The following C16orf96 variants were observed in gnomAD, a reference collection of about 807,000 sequenced individuals.
C16orf96 encodes the protein chromosome 16 open reading frame 96, also known as uncharacterized protein C16orf96.
A neutral mutation model predicts 103.6 loss-of-function variants in C16orf96; 108 were observed. That is an observed-to-expected ratio of 1.04 (90% CI 0.89 to 1.22). C16orf96 has a LOEUF of 1.22. Among genes scored for constraint, C16orf96 ranks in the 50% most tolerant of loss-of-function variants. The pLI, the probability that C16orf96 is intolerant of heterozygous loss-of-function variation, is 0.00. For missense variants in C16orf96, 1,586 were observed against 1,464.2 expected (o/e 1.08, Z -1.36); for synonymous variants, 566 against 593.5 (o/e 0.95, Z 0.67).
At chr16:4,542,849 A>T in the C16orf96 span, among the ~76,000 whole-genome samples, 3 of 152,200 alleles carry the variant, frequency 2.0e-5, no homozygotes, top group African/African-American at 7.2e-5. Context: ...CTGTTTTTGA[A>T]ATGCAGTGTG....
Position 4,576,374 on chromosome 16 carries a change from G to A in C16orf96, c.1894G>A (p.Ala632Thr). Residue 632 changes from alanine (A) to threonine (T), a missense_variant, in exon 5 of 16, where the codon GCC becomes ACC. Physicochemically the swap from Ala to Thr is moderately conservative, Grantham distance 58. Coordinates refer to ENST00000444310, the MANE Select transcript of C16orf96 (RefSeq NM_001145011.2). The stretch of plus-strand genomic sequence containing the variant: ...CCTGGGTGCAGGGCCTTCCCGGGGA[G>A]CCACAGAATCCCAGATCTTGGGCGA... ...DVLGAGPSRG[A>T]TESQILGDDS... is the part of the protein sequence containing the mutation. The A allele has an allele frequency of 6.4e-7, 1 of 1,550,998 alleles. No individual in the cohort carries two copies. The highest frequency in any genetic ancestry group is 8.7e-7 in the Non-Finnish European group (1 of 1,146,996).
upstream of C16orf96, among the ~76,000 whole-genome samples, chr16:4,553,445 C>T (rs943444629): frequency 6.6e-6 from 1 of 152,022 alleles, no homozygotes. Context: ...GGGTGTGATT[C>T]TGGCTCACTG....
At chr16:4,544,643 A>G in the C16orf96 span, among the ~76,000 whole-genome samples, 2 of 152,114 alleles carry the variant, frequency 1.3e-5, no homozygotes, top group Admixed American at 1.3e-4. Context: ...TGACTACCAA[A>G]TGAGGGTAAA....
chr16:4,559,392 T>A (rs1439156554), intron 1 of C16orf96, among the ~76,000 whole-genome samples: 4 of 146,656 alleles, frequency 2.7e-5, no homozygotes, highest in Non-Finnish European at 6.0e-5. Context: ...AAAATAAAAA[T>A]AAAAAAAAAT....
upstream of C16orf96, among the ~76,000 whole-genome samples, chr16:4,554,106 C>G (rs545635831): frequency 6.6e-6 from 1 of 152,214 alleles, no homozygotes; most frequent in East Asian, 1.9e-4. Flanking sequence ...TCTCTTGTCC[C>G]AGAACTGACC....
At chr16:4,571,715 T>G (rs2059440515) in intron 2 of C16orf96, 50 bp downstream of exon 2, 3 of 1,362,384 alleles carry the variant, frequency 2.2e-6, no homozygotes, top group Admixed American at 5.2e-5. Flanking sequence ...CTCAGGCCTC[T>G]GGGGGTTGGA....
the C16orf96 span, among the ~76,000 whole-genome samples, chr16:4,547,888 C>T: frequency 6.7e-6 from 1 of 148,554 alleles, no homozygotes; most frequent in Middle Eastern, 3.2e-3. Flanking sequence ...AGTCCTCCTT[C>T]CTCAGCTTCC....
chr16:4,591,867 A>G, intron 10 of C16orf96, 83 bp downstream of exon 10: 7 of 1,108,158 alleles, frequency 6.3e-6, no homozygotes, highest in Non-Finnish European at 8.1e-6. Flanking sequence ...CTGGGAGGAA[A>G]GATTCCAGAC....
rs774934156 is a variant in C16orf96 at position 4,588,207 on chromosome 16, T to C, written c.2468T>C (p.Val823Ala). ...RSALAGKASR[V>A]DLETVALELN... is the part of the protein sequence containing the mutation. ...GCCCTGGCAGGCAAGGCAAGCCGCG[T>C]TGACCTGGAGACTGTGGCCTTGGAG... The change falls in exon 9 of 16, where the codon GTT becomes GCT. Residue 823 changes from valine (V) to alanine (A), a missense_variant. Transcript: ENST00000444310. 54 of 1,551,504 alleles carry C rather than the reference T, an allele frequency of 3.5e-5. 1 individual carries two copies. Among genetic ancestry groups the C allele is most frequent in the South Asian group, 7.1e-5 (6 of 84,064 alleles).
chr16:4,582,823 G>A (rs756605831), intron 7 of C16orf96, among the ~76,000 whole-genome samples: 9 of 152,310 alleles, frequency 5.9e-5, no homozygotes, highest in Non-Finnish European at 1.2e-4. Flanking sequence ...CTGCGTGTCC[G>A]TAGTTGTCAC....
At chr16:4,574,605 A>G (rs2059477940) in intron 2 of C16orf96, 104 bp from the exon 3 acceptor site, 1 of 869,094 alleles carries the variant, frequency 1.2e-6, no homozygotes, top group Non-Finnish European at 1.8e-6. Context: ...TGGATTTGGA[A>G]CCCGTTCTTC....
chr16:4,572,798 C>T (rs982066818), intron 2 of C16orf96, among the ~76,000 whole-genome samples: 2 of 152,168 alleles, frequency 1.3e-5, no homozygotes, highest in African/African-American at 4.8e-5. Context: ...TCCTTCTGTA[C>T]TTCTGTAGCC....
chr16:4,544,088 G>A, the C16orf96 span, among the ~76,000 whole-genome samples: 2 of 152,114 alleles, frequency 1.3e-5, no homozygotes, highest in Non-Finnish European at 1.5e-5. Flanking sequence ...GAGGGGGTAG[G>A]GCCTAGGGTA....
chr16:4,582,687 A>G (rs1487984213), intron 7 of C16orf96, among the ~76,000 whole-genome samples: 2 of 152,100 alleles, frequency 1.3e-5, no homozygotes, highest in Non-Finnish European at 2.9e-5. Context: ...CCAGGCCACC[A>G]TGTCCTGGGG....
intron 6 of C16orf96, among the ~76,000 whole-genome samples, chr16:4,579,806 T>C (rs1014338777): frequency 6.6e-6 from 1 of 152,120 alleles, no homozygotes; most frequent in African/African-American, 2.4e-5. Context: ...GAGACTGGTT[T>C]CGCCGTGTTG....
At chr16:4,595,689 T>TC (rs879349530) in intron 14 of C16orf96, among the ~76,000 whole-genome samples, 1 of 73,184 alleles carries the variant, frequency 1.4e-5, no homozygotes, top group African/African-American at 3.7e-5. Flanking sequence ...AATTCTGGTT[T>TC]TTTGTTGTTG....
intron 6 of C16orf96, 74 bp downstream of exon 6, chr16:4,579,099 G>T: frequency 7.5e-7 from 1 of 1,330,458 alleles, no homozygotes. Context: ...CCTTGACTCT[G>T]CCCCCCTCCC....
the C16orf96 span, among the ~76,000 whole-genome samples, chr16:4,547,613 T>C: frequency 2.7e-5 from 4 of 148,538 alleles, no homozygotes; most frequent in East Asian, 3.9e-4. Flanking sequence ...TTCCTTCCTT[T>C]CTTTCTTTCT....
At chr16:4,580,816 C>T (rs1321753308) in intron 7 of C16orf96, among the ~76,000 whole-genome samples, 3 of 151,198 alleles carry the variant, frequency 2.0e-5, no homozygotes, top group East Asian at 2.0e-4. Context: ...GGTGAAACCC[C>T]GTCTCTTCTA....
Sources: gnomAD v4.1 joint callset for allele counts (sites outside exome capture counted in the v4.1 genomes callset) on GRCh38, gnomAD v4.1.1 for gene constraint, MANE v1.5 for transcripts, NCBI Gene and HGNC (gene_info 2026-07-23, HGNC 2026-07-21) for gene names.